Variants in MAGIX observed in about 807,000 individuals in gnomAD.
The protein encoded by MAGIX is PDZ domain-containing protein MAGIX.
A neutral mutation model predicts 10.0 loss-of-function variants in MAGIX; 13 were observed. The ratio of observed to expected loss-of-function variants is 1.30; its 90% CI spans 0.84 to 2.06. MAGIX has a LOEUF of 2.06. Among genes scored for constraint, MAGIX ranks in the 30% most tolerant of loss-of-function variants. MAGIX has a pLI of 0.00. For synonymous variants in MAGIX, 108 were observed against 106.8 expected (o/e 1.01, Z -0.07); for missense variants, 235 against 245.2 (o/e 0.96, Z 0.28).
At chrX:49,163,787 C>G (rs1251168896) in exon 2 of MAGIX, 22 of 1,046,551 alleles carry the variant, frequency 2.1e-5, no homozygotes, top group Non-Finnish European at 2.6e-5. Context: ...GCGCAGGCCG[C>G]GGCCCCTCCC....
At chrX:49,162,737 G>A (rs2147859658) in exon 1 of MAGIX, 1 of 325,525 alleles carries the variant, frequency 3.1e-6, no homozygotes, top group East Asian at 4.8e-5. Context: ...CCTCCTTGCT[G>A]GCCGCCAGGT....
exon 5 of MAGIX, chrX:49,166,154 C>G: frequency 1.7e-6 from 2 of 1,211,843 alleles, no homozygotes; most frequent in Non-Finnish European, 2.2e-6. Context: ...TTCCCTAGTT[C>G]AGCACCCTCC....
chrX:49,167,507 G>A (rs1485987801), exon 5 of MAGIX: 1 of 113,603 alleles, frequency 8.8e-6, no homozygotes, highest in Non-Finnish European at 1.9e-5. Context: ...GCCCCTGTGG[G>A]GAGGGGACGG....
At chrX:49,167,422 G>C (rs1316999858) in exon 5 of MAGIX, 1 of 113,534 alleles carries the variant, frequency 8.8e-6, no homozygotes, top group African/African-American at 3.2e-5. Context: ...CACCTCCGCT[G>C]TCACCACATC....
chrX:49,165,300 T>G, exon 4 of MAGIX: 2 of 1,182,444 alleles, frequency 1.7e-6, no homozygotes, highest in Non-Finnish European at 1.1e-6. Context: ...TGGTTATTCG[T>G]CGGCCTCTGG....
At chrX:49,166,164 C>G in exon 5 of MAGIX, 2 of 1,211,904 alleles carry the variant, frequency 1.7e-6, no homozygotes, top group Non-Finnish European at 2.2e-6. Context: ...CAGCACCCTC[C>G]ATCCCGGACG....
exon 4 of MAGIX, chrX:49,165,346 C>A: frequency 8.6e-7 from 1 of 1,166,866 alleles, no homozygotes; most frequent in Non-Finnish European, 1.1e-6. Flanking sequence ...GGTGGGAGAG[C>A]CCCGAAAAGG....
At chrX:49,163,709 T>A in intron 1 of MAGIX, 74 bp from the exon 2 acceptor site, 1 of 937,118 alleles carries the variant, frequency 1.1e-6, no homozygotes, top group Non-Finnish European at 1.3e-6. Context: ...CATTTCTAGG[T>A]CTTCGAGCGT....
chrX:49,163,088 A>T (rs2065340391), intron 1 of MAGIX, 150 bp downstream of exon 1: 1 of 299,333 alleles, frequency 3.3e-6, no homozygotes, highest in Non-Finnish European at 5.9e-6. Flanking sequence ...GGGCCCAGCG[A>T]TGGAGGCTGG....
chrX:49,166,048 A>T, intron 4 of MAGIX, 26 bp from the exon 6 acceptor site: 1 of 1,191,471 alleles, frequency 8.4e-7, no homozygotes, highest in Non-Finnish European at 1.1e-6. Flanking sequence ...TCCCTTCCCT[A>T]CTTCACCACC....
rs781846584 is a variant in MAGIX, at chrX:49,163,765, G to A, written c.-201-18G>A. The A allele has an allele frequency of 1.6e-4, 168 of 1,038,433 alleles. 2 individuals are homozygous for A. In the South Asian group the frequency reaches 4.2e-3, roughly 26 times the overall value. 85.6% of individuals were successfully genotyped at this position (1,038,433 alleles called of 1,213,427 possible). A position where few individuals can be genotyped will look rare whatever the true frequency, so the allele number is the denominator to read the frequency against. On this transcript the variant is annotated intron_variant, in intron 1 of 4. Transcript: ENST00000616266. ...CGAGGCCGAGGGTCGGCGTTGACCT[G>A]TCCCCTCTTGCGCGCAGGCCGCGGC...
At chrX:49,165,503 G>A in intron 4 of MAGIX, 142 bp downstream of exon 5, 1 of 552,533 alleles carries the variant, frequency 1.8e-6, no homozygotes, top group Non-Finnish European at 2.8e-6. Context: ...ATTCTCACAA[G>A]TAGGGGCAGG....
At chrX:49,168,774 CAAAAAAAAAAAAAA>C (rs35343968), downstream of MAGIX, among the ~76,000 whole-genome samples, 2 of 16,897 alleles carry the variant, frequency 1.2e-4, no homozygotes, top group Non-Finnish European at 1.9e-4. Context: ...GACCTTATCT[CAAAAAAAAAAAAAA>C]AAAAAAAAAA....
At chrX:49,165,066 A>G in exon 3 of MAGIX, 2 of 1,206,832 alleles carry the variant, frequency 1.7e-6, no homozygotes, top group Non-Finnish European at 2.2e-6. Flanking sequence ...AGGATGGCCC[A>G]GCACAGCGCT....
exon 5 of MAGIX, chrX:49,166,749 G>T (rs1461702787): frequency 2.1e-5 from 4 of 194,160 alleles, no homozygotes; most frequent in Non-Finnish European, 3.8e-5. Flanking sequence ...CTGCTTTCCT[G>T]CTTGCACATG....
chrX:49,168,774 CAAAA>C (rs35343968), downstream of MAGIX, among the ~76,000 whole-genome samples: 1 of 16,900 alleles, frequency 5.9e-5, no homozygotes, highest in Non-Finnish European at 9.6e-5. Flanking sequence ...GACCTTATCT[CAAAA>C]AAAAAAAAAA....
intron 4 of MAGIX, 191 bp downstream of exon 5, chrX:49,165,552 C>G: frequency 5.2e-6 from 2 of 382,385 alleles, no homozygotes; most frequent in Non-Finnish European, 8.8e-6. Flanking sequence ...AACGTAGGGG[C>G]AGGGAGGGGT....
At chrX:49,166,246 T>C in exon 5 of MAGIX, 1 of 1,203,131 alleles carries the variant, frequency 8.3e-7, no homozygotes, top group Non-Finnish European at 1.1e-6. Flanking sequence ...CGGTTTCTCC[T>C]CCTGAGCGCC....
At chrX:49,167,619 G>A (rs973036341) in exon 5 of MAGIX, 3 of 112,449 alleles carry the variant, frequency 2.7e-5, no homozygotes, top group African/African-American at 9.7e-5. Flanking sequence ...GGGAGCTGGA[G>A]GGTGAAGAGG....
Sources: gnomAD v4.1 joint callset for allele counts (sites outside exome capture counted in the v4.1 genomes callset) on GRCh38, gnomAD v4.1.1 for gene constraint, MANE v1.5 for transcripts, NCBI Gene and HGNC (gene_info 2026-07-23, HGNC 2026-07-21) for gene names.